HYAL3: variants seen among roughly 807,000 people sequenced by gnomAD.
HYAL3 encodes hyaluronidase-3.
HYAL3 carries 25 observed loss-of-function variants against 29.6 expected under a neutral mutation model. The ratio of observed to expected loss-of-function variants is 0.85; its 90% confidence interval spans 0.62 to 1.18. The LOEUF (loss-of-function observed/expected upper bound fraction) is 1.18, where lower values mean the gene tolerates loss of function less well. Among genes scored for constraint, HYAL3 ranks in the 50% most tolerant of loss-of-function variants. The pLI is 0.00. For missense variants in HYAL3, 442 were observed against 548.4 expected (o/e 0.81, Z 1.94); for synonymous variants, 215 against 218.3 (o/e 0.99, Z 0.13).
rs1327326305 is a variant in HYAL3 at position 50,299,301 on chromosome 3, G to C, written c.-106C>G. Reference sequence around the variant, plus strand: ...GTCGCCACCTCGGACTCCTCGGTCCGACAACGTTGGCCCCCAGCGGTGCGG... The same window carrying C: ...GTCGCCACCTCGGACTCCTCGGTCCCACAACGTTGGCCCCCAGCGGTGCGG... On this transcript the variant is annotated 5_prime_UTR_variant, in exon 1 of 4. Transcript: ENST00000336307. 2 of 1,610,482 alleles carry C rather than the reference G, an allele frequency of 1.2e-6. No homozygotes were observed. Among genetic ancestry groups the C allele is most frequent in the East Asian group, 2.2e-5 (1 of 44,772 alleles).
At chr3:50,294,333 A>G (rs1344891145) in intron 2 of HYAL3, among the ~76,000 whole-genome samples, 2 of 152,004 alleles carry the variant, frequency 1.3e-5, no homozygotes, top group South Asian at 2.1e-4. Context: ...GGGTCTCACT[A>G]TGTTGCCCAG....
rs1553710948 is a variant in HYAL3, at chr3:50,295,482, G to T, written c.121C>A (p.His41Asn). The T allele has an allele frequency of 6.2e-7, 1 of 1,613,518 alleles. No individual in the cohort carries two copies. Among genetic ancestry groups the T allele is most frequent in the Admixed American group, 1.7e-5 (1 of 59,996 alleles). ...FSVLWNVPSA[H>N]CEARFGVHLP... is the part of the protein sequence containing the mutation. The stretch of plus-strand genomic sequence containing the variant: ...TGCACACCAAAGCGGGCCTCACAGT[G>T]TGCTGAGGGTACATTCCACAGCACA... The change falls in exon 2 of 4, where the codon CAC becomes AAC. Residue 41 changes from histidine to asparagine, a missense_variant. Coordinates refer to ENST00000336307, the MANE Select transcript of HYAL3 (RefSeq NM_003549.4).
rs782309980 is a variant in HYAL3, at chr3:50,293,639, C to G, written c.977G>C (p.Ser326Thr). 1 of 1,613,710 alleles carries G rather than the reference C, an allele frequency of 6.2e-7. No homozygotes were observed. Among genetic ancestry groups the G allele is most frequent in the African/African-American group, 1.3e-5 (1 of 74,944 alleles). Residue 326 changes from serine (S) to threonine (T), a missense_variant, in exon 3 of 4, where the codon AGC becomes ACC. By Grantham distance (58) the Ser-to-Thr change is moderately conservative. Transcript: ENST00000336307. Reference sequence around the variant, plus strand: ...CAAAGGGGCAATGATCACCTCAGAGCTGGAGAGGCTCAGGTCCCCCCAGAG... The same window carrying G: ...CAAAGGGGCAATGATCACCTCAGAGGTGGAGAGGCTCAGGTCCCCCCAGAG... ...VVLWGDLSLS[S>T]SEEECWHLHD... is the part of the protein sequence containing the mutation.
rs782204114 is a variant in HYAL3 at position 50,299,237 on chromosome 3, T to G, written c.-42A>C. On this transcript the variant is annotated 5_prime_UTR_variant, in exon 1 of 4. Coordinates refer to ENST00000336307, the MANE Select transcript of HYAL3 (RefSeq NM_003549.4). ...CATGTTGATGCTGGCCTCTGGGATG[T>G]TCCGCGTCCTAGCTCCGCACAGCTG... 6.2e-7 allele frequency: 1 copy of G among 1,614,088 alleles called. No individual in the cohort carries two copies. Among genetic ancestry groups the G allele is most frequent in the Non-Finnish European group, 8.5e-7 (1 of 1,180,006 alleles).
chr3:50,294,561 G>C, intron 2 of HYAL3, 148 bp downstream of exon 2: 1 of 574,110 alleles, frequency 1.7e-6, no homozygotes, highest in Admixed American at 3.6e-5. Context: ...GCAAAGCCAT[G>C]CCTCCCTCAT....
At position 50,296,703 on chromosome 3, in the gene HYAL3, G is replaced by A; in HGVS notation, c.-17-1084C>T. On this transcript the variant is annotated intron_variant, in intron 1 of 3. Transcript: ENST00000336307. ...AGGGGGCCCTGATGGAACTGGGGGT[G>A]AGATGGTCAGGCACTCAGGTAGGGG... 5.6e-6 allele frequency: 9 copies of A among 1,613,714 alleles called. No individual in the cohort carries two copies. Among genetic ancestry groups the A allele is most frequent in the Non-Finnish European group, 7.6e-6 (9 of 1,179,806 alleles).
At chr3:50,298,581 G>A (rs1441657419) in intron 1 of HYAL3, among the ~76,000 whole-genome samples, 3 of 151,692 alleles carry the variant, frequency 2.0e-5, no homozygotes, top group African/African-American at 2.4e-5. Context: ...CAGACCTCCT[G>A]TGCCCAAACC....
At position 50,293,395 on chromosome 3, in the gene HYAL3, G is replaced by A. The variant is rs782168795; in HGVS notation, c.1105C>T (p.Arg369Trp). The A allele has an allele frequency of 1.9e-5, 30 of 1,613,518 alleles. No individual in the cohort carries two copies. The highest frequency in any genetic ancestry group is 3.3e-5 in the Admixed American group (2 of 60,004). Residue 369 changes from arginine (R) to tryptophan (W), a missense_variant, in exon 4 of 4, where the codon CGG (arginine) becomes TGG (tryptophan). Coordinates refer to ENST00000336307, the MANE Select transcript of HYAL3 (RefSeq NM_003549.4). ...GCTTCCATCTGTCCTGGATCTCGCC[G>A]GGCACAGCGCCCGTGGCCATGGCAC... is the stretch of plus-strand genomic sequence containing the variant. ...QRCHGHGRCA[R>W]RDPGQMEAFL...
intron 1 of HYAL3, chr3:50,296,760 C>T: frequency 6.2e-7 from 1 of 1,602,290 alleles, no homozygotes; most frequent in Non-Finnish European, 8.5e-7. Flanking sequence ...TCCCTTGGGA[C>T]CCCTTGGGGC....
Position 50,297,451 on chromosome 3 carries a change from G to A in HYAL3, c.-18+1762C>T. ...GTCAGCTCAGCTGGGCTGGTACTCA[G>A]GATCAGCTCCATCCGGTGTGTAGGG... is the stretch of plus-strand genomic sequence containing the variant. On this transcript the variant is annotated intron_variant, in intron 1 of 3. Coordinates refer to ENST00000336307, the MANE Select transcript of HYAL3 (RefSeq NM_003549.4). This position sits in a 1 kb window ranked among gnomAD's most constrained non-coding sequence, Gnocchi z 4.3. 3 of 1,606,948 alleles carry A rather than the reference G, an allele frequency of 1.9e-6. No homozygotes were observed. The highest frequency in any genetic ancestry group is 2.6e-6 in the Non-Finnish European group (3 of 1,176,038).
Position 50,297,530 on chromosome 3 carries a change from A to C in HYAL3, c.-18+1683T>G, listed in dbSNP as rs782205646. On this transcript the variant is annotated intron_variant, in intron 1 of 3. Coordinates refer to ENST00000336307, the MANE Select transcript of HYAL3 (RefSeq NM_003549.4). This position sits in a 1 kb window ranked among gnomAD's most constrained non-coding sequence, Gnocchi z 4.3. ...CAGGGCTCAGAGTCAGCTCTTGCCT[A>C]TGCACAGGATCCAGGTTCAGCTGAG... 2 of 1,516,438 alleles carry C rather than the reference A, an allele frequency of 1.3e-6. No homozygotes were observed. Among genetic ancestry groups the C allele is most frequent in the Non-Finnish European group, 8.8e-7 (1 of 1,130,134 alleles). 93.9% of individuals were successfully genotyped at this position (1,516,438 alleles called of 1,614,324 possible).
At position 50,294,739 on chromosome 3, in the gene HYAL3, T is replaced by C. The variant is rs1701772336; in HGVS notation, c.864A>G (p.Thr288=). ...PLPVLAYVRL[T]HRRSGRFLSQ... ...ACAGGAACCTCCCAGATCTCCGGTG[T>C]GTGAGGCGGACATAGGCCAGGACAG... The change falls in exon 2 of 4, where the codon ACA becomes ACG. Residue 288 remains threonine, a synonymous_variant. Coordinates refer to ENST00000336307, the MANE Select transcript of HYAL3 (RefSeq NM_003549.4). 1 of 1,506,150 alleles carries C rather than the reference T, an allele frequency of 6.6e-7. No individual in the cohort carries two copies. The highest frequency in any genetic ancestry group is 8.9e-7 in the Non-Finnish European group (1 of 1,126,674). 93.3% of individuals were successfully genotyped at this position (1,506,150 alleles called of 1,614,324 possible).
Position 50,293,238 on chromosome 3 carries a change from C to T in HYAL3, c.*8G>A. On this transcript the variant is annotated 3_prime_UTR_variant, in exon 4 of 4. Transcript: ENST00000336307. ...GGAAAAGAAGAGGCAGTGGCAGGGG[C>T]CCTGGCTTTATACTGCTTCTTTAGG... The T allele has an allele frequency of 6.2e-7, 1 of 1,612,918 alleles. No individual in the cohort carries two copies. Among genetic ancestry groups the T allele is most frequent in the Non-Finnish European group, 8.5e-7 (1 of 1,179,988 alleles).
In HYAL3 at chr3:50,296,631, G is replaced by C. The variant is rs782633160; in HGVS notation, c.-17-1012C>G. The stretch of plus-strand genomic sequence containing the variant: ...GATGTCTTTTTCCATCCAGAATATG[G>C]GGCGCCCCCTCACATTTTGATATTG... On this transcript the variant is annotated intron_variant, in intron 1 of 3. Coordinates refer to ENST00000336307, the MANE Select transcript of HYAL3 (RefSeq NM_003549.4). 5 of 1,614,054 alleles carry C rather than the reference G, an allele frequency of 3.1e-6. No individual in the cohort carries two copies. In the South Asian group the frequency reaches 4.4e-5, roughly 14 times the overall value.
chr3:50,295,667 C>A (rs894886825), intron 1 of HYAL3, 48 bp from the exon 2 acceptor site: 2 of 1,438,380 alleles, frequency 1.4e-6, no homozygotes, highest in Non-Finnish European at 1.8e-6. Context: ...GCTATGGCCA[C>A]ACCTTCCACA....
At chr3:50,296,583 G>A in intron 1 of HYAL3, 1 of 1,612,344 alleles carries the variant, frequency 6.2e-7, no homozygotes, top group Non-Finnish European at 8.5e-7. Flanking sequence ...CAGAAAGACA[G>A]TTCCTTGCCC....
chr3:50,296,553 G>A (rs782089165), intron 1 of HYAL3: 2 of 1,580,360 alleles, frequency 1.3e-6, no homozygotes, highest in South Asian at 1.1e-5. Flanking sequence ...CTTGTAGACT[G>A]TCGGGGCAGT....
Position 50,297,803 on chromosome 3 carries a change from T to C in HYAL3, c.-18+1410A>G. 1 of 1,187,154 alleles carries C rather than the reference T, an allele frequency of 8.4e-7. No individual in the cohort carries two copies. The highest frequency in any genetic ancestry group is 1.0e-6 in the Non-Finnish European group (1 of 957,858). 73.5% of individuals were successfully genotyped at this position (1,187,154 alleles called of 1,614,324 possible). A position where few individuals can be genotyped will look rare whatever the true frequency, so the allele number is the denominator to read the frequency against. On this transcript the variant is annotated intron_variant, in intron 1 of 3. Transcript: ENST00000336307. This position sits in a 1 kb window ranked among gnomAD's most constrained non-coding sequence, Gnocchi z 4.3. ...TGGTGGGCTGCACTTTGTCCCACAC[T>C]CACCTGATAGCACAGGTGACCTGGA...
chr3:50,296,365 G>A (rs1701839409), intron 1 of HYAL3: 3 of 554,690 alleles, frequency 5.4e-6, no homozygotes, highest in Non-Finnish European at 9.5e-6. Context: ...GGTGAGAGGT[G>A]AGGGTAGGGG....
Sources: gnomAD v4.1 joint callset for allele counts (sites outside exome capture counted in the v4.1 genomes callset) on GRCh38, gnomAD v4.1.1 for gene constraint, Gnocchi (gnomAD v3.1) non-coding constraint, MANE v1.5 for transcripts, NCBI Gene and HGNC (gene_info 2026-07-23, HGNC 2026-07-21) for gene names.